The following LRRC63 variants were observed in gnomAD, a reference collection of about 807,000 sequenced individuals.
LRRC63 encodes the protein leucine rich repeat containing 63.
Under a neutral mutation model 49.5 loss-of-function variants are expected in LRRC63, and 40 were observed. The observed-to-expected ratio is 0.81, with a 90% CI of 0.63 to 1.05. The LOEUF (loss-of-function observed/expected upper bound fraction) is 1.05. Among genes scored for constraint, LRRC63 ranks in the 50% least tolerant of loss-of-function variants. The probability of loss-of-function intolerance (pLI) is 0.00; values close to 1 mark genes in which losing one functional copy is unlikely to be tolerated. For missense variants in LRRC63, 636 were observed against 663.1 expected (o/e 0.96, Z 0.45); for synonymous variants, 191 against 221.1 (o/e 0.86, Z 1.21).
At chr13:46,229,875 C>T (rs1370230823) in intron 4 of LRRC63, among the ~76,000 whole-genome samples, 1 of 152,164 alleles carries the variant, frequency 6.6e-6, no homozygotes, top group Admixed American at 6.5e-5. Context: ...GTATTTGCTG[C>T]TGGTGAGGGC....
At chr13:46,248,735 C>T (rs1594072217) in intron 6 of LRRC63, among the ~76,000 whole-genome samples, 1 of 151,806 alleles carries the variant, frequency 6.6e-6, no homozygotes, top group Non-Finnish European at 1.5e-5. Context: ...GGCAGAAGAA[C>T]AAGAGGGAAA....
At chr13:46,244,901 TA>T (rs540837310) in intron 5 of LRRC63, among the ~76,000 whole-genome samples, 1 of 151,694 alleles carries the variant, frequency 6.6e-6, no homozygotes, top group East Asian at 1.9e-4. Flanking sequence ...AACACCACAA[TA>T]AAAAAAATAG....
chr13:46,276,392 T>C (rs2047837238), intron 9 of LRRC63, among the ~76,000 whole-genome samples, 198 bp from the exon 10 acceptor site: 1 of 152,196 alleles, frequency 6.6e-6, no homozygotes, highest in Non-Finnish European at 1.5e-5. Context: ...TTTAAAAAGC[T>C]AGGATTGTAT....
At chr13:46,258,094 C>T (rs1479144800) in intron 7 of LRRC63, among the ~76,000 whole-genome samples, 1 of 149,502 alleles carries the variant, frequency 6.7e-6, no homozygotes, top group Admixed American at 6.7e-5. Flanking sequence ...CCCATATATG[C>T]TACAAACTCT....
At chr13:46,277,103 T>C (rs2047852959) in exon 10 of LRRC63, 1 of 151,912 alleles carries the variant, frequency 6.6e-6, no homozygotes, top group Admixed American at 6.6e-5. Context: ...TGAATAAAGC[T>C]CTAGAAAATT....
Position 46,247,134 on chromosome 13 carries a change from ATTGC to A in LRRC63, c.1089+512_1089+515del, listed in dbSNP as rs1459262308. ...AATTACGTTTTTCGTGTCTTTAGTC[ATTGC>A]TTCATTGATTACTGGGTAATTGGTG... is the stretch of plus-strand genomic sequence containing the variant. On this transcript the variant is annotated intron_variant, in intron 6 of 9. Transcript: ENST00000595396. Among the ~76,000 whole-genome samples, 16 of 152,212 alleles carry A rather than the reference ATTGC, an allele frequency of 1.1e-4. No individual in the cohort carries two copies. The East Asian group carries it at 3.1e-3, about 29-fold the overall frequency.
chr13:46,257,647 C>T (rs1036176467), intron 7 of LRRC63, among the ~76,000 whole-genome samples: 1 of 152,130 alleles, frequency 6.6e-6, no homozygotes, highest in Non-Finnish European at 1.5e-5. Flanking sequence ...GAAAGGGACA[C>T]TGGAACAAAG....
chr13:46,244,580 G>A lies in LRRC63; in HGVS notation c.991-1947G>A, dbSNP rs1485117267. On this transcript the variant is annotated intron_variant, in intron 5 of 9. Coordinates refer to ENST00000595396, the Ensembl canonical transcript of LRRC63. ...ATGCCAGGTGTTTGAGGACAGCCTA[G>A]GCAACATGGCAAGACCCTGTCTCTA... 2.0e-5 allele frequency among the ~76,000 whole-genome samples: 3 copies of A among 152,118 alleles called. No individual in the cohort carries two copies. The East Asian group carries it at 5.8e-4, about 29-fold the overall frequency.
chr13:46,261,143 G>A (rs2047607335), intron 7 of LRRC63, among the ~76,000 whole-genome samples: 1 of 152,058 alleles, frequency 6.6e-6, no homozygotes, highest in Admixed American at 6.6e-5. Context: ...TGTATTCTTT[G>A]GTTCTCACCT....
chr13:46,267,978 C>A (rs2047705189), intron 9 of LRRC63, among the ~76,000 whole-genome samples: 1 of 152,130 alleles, frequency 6.6e-6, no homozygotes, highest in Non-Finnish European at 1.5e-5. Flanking sequence ...TTGAGAGAAA[C>A]ATCCTTGATT....
At chr13:46,219,757 G>T (rs1200687341) in intron 2 of LRRC63, among the ~76,000 whole-genome samples, 1 of 152,188 alleles carries the variant, frequency 6.6e-6, no homozygotes, top group Admixed American at 6.5e-5. Context: ...TTTGGTCTTT[G>T]ATGTTGGTCA....
chr13:46,250,882 G>A (rs767063913), intron 7 of LRRC63, among the ~76,000 whole-genome samples: 2 of 151,836 alleles, frequency 1.3e-5, no homozygotes, highest in Non-Finnish European at 2.9e-5. Context: ...TTGATCTGGA[G>A]AAAGTAATTT....
chr13:46,270,950 T>C (rs1299563544), intron 9 of LRRC63, among the ~76,000 whole-genome samples: 1 of 152,172 alleles, frequency 6.6e-6, no homozygotes, highest in Non-Finnish European at 1.5e-5. Flanking sequence ...TATAGAAAAG[T>C]TTTAAGTAGC....
At chr13:46,258,038 A>G (rs906552650) in intron 7 of LRRC63, among the ~76,000 whole-genome samples, 16 of 151,958 alleles carry the variant, frequency 1.1e-4, no homozygotes, top group Admixed American at 4.6e-4. Flanking sequence ...TGAGACTCAA[A>G]GTGATAGAGT....
intron 4 of LRRC63, among the ~76,000 whole-genome samples, chr13:46,229,561 C>G (rs1408030980): frequency 6.6e-6 from 1 of 152,016 alleles, no homozygotes; most frequent in Non-Finnish European, 1.5e-5. Flanking sequence ...TTCAGAGCAG[C>G]CAATATACTT....
chr13:46,244,130 A>C (rs1342561561), intron 5 of LRRC63, among the ~76,000 whole-genome samples: 2 of 152,220 alleles, frequency 1.3e-5, no homozygotes, highest in Non-Finnish European at 2.9e-5. Context: ...TTAAAAGAAT[A>C]CTGATTATTT....
At position 46,244,587 on chromosome 13, in the gene LRRC63, T is replaced by C. The variant is rs186986184; in HGVS notation, c.991-1940T>C. Among the ~76,000 whole-genome samples, 15 of 152,230 alleles carry C rather than the reference T, an allele frequency of 9.9e-5. No individual in the cohort carries two copies. In the East Asian group the frequency reaches 2.9e-3, roughly 29 times the overall value. ...GTGTTTGAGGACAGCCTAGGCAACATGGCAAGACCCTGTCTCTACAAATTT... is the reference window on the plus strand; with the variant it reads ...GTGTTTGAGGACAGCCTAGGCAACACGGCAAGACCCTGTCTCTACAAATTT... On this transcript the variant is annotated intron_variant, in intron 5 of 9. Coordinates refer to ENST00000595396, the Ensembl canonical transcript of LRRC63.
intron 8 of LRRC63, among the ~76,000 whole-genome samples, chr13:46,262,318 A>G (rs1001902145): frequency 6.6e-6 from 1 of 152,186 alleles, no homozygotes; most frequent in South Asian, 2.1e-4. Context: ...AATGCTAATA[A>G]TACAAAATAT....
chr13:46,239,830 T>C (rs1023585379), intron 5 of LRRC63, among the ~76,000 whole-genome samples: 1 of 152,240 alleles, frequency 6.6e-6, no homozygotes, highest in Non-Finnish European at 1.5e-5. Flanking sequence ...ATCCCTGGGA[T>C]GCAAGATTGG....
Sources: allele counts gnomAD v4.1 joint callset (sites outside exome capture counted in the v4.1 genomes callset), GRCh38; gene constraint gnomAD v4.1.1; transcripts MANE v1.5; gene names NCBI Gene and HGNC (gene_info 2026-07-23, HGNC 2026-07-21).